Variants in PCNX2 observed in about 807,000 individuals in gnomAD.
PCNX2 encodes pecanex-like protein 2.
In PCNX2, 168 loss-of-function variants were observed where a neutral mutation model predicts 223.8. The observed-to-expected ratio is 0.75, with a 90% CI of 0.66 to 0.85. PCNX2 has a LOEUF of 0.85. Among genes scored for constraint, PCNX2 ranks in the 40% least tolerant of loss-of-function variants. The pLI, the probability that PCNX2 is intolerant of heterozygous loss-of-function variation, is 0.00. For missense variants in PCNX2, 2,507 were observed against 2,675.5 expected, an observed-to-expected ratio of 0.94 and a Z score of 1.39; for synonymous variants, 1,006 against 1,052.6, an observed-to-expected ratio of 0.96 and a Z score of 0.86.
chr1:233,012,120 G>GATGACTGTT (rs1222588992), intron 28 of PCNX2, among the ~76,000 whole-genome samples: 9 of 152,152 alleles, frequency 5.9e-5, no homozygotes, highest in African/African-American at 2.2e-4. Context: ...CTTCTGTGTT[G>GATGACTGTT]ATGACTGTTG....
At chr1:233,177,712 T>C (rs1003275233) in intron 17 of PCNX2, 90 bp downstream of exon 17, 31 of 1,126,686 alleles carry the variant, frequency 2.8e-5, no homozygotes, top group Non-Finnish European at 3.8e-5. Flanking sequence ...GTCCTTCTCA[T>C]GTCCACCTGC....
chr1:233,245,690 G>A (rs1158663956), intron 8 of PCNX2, among the ~76,000 whole-genome samples: 1 of 152,136 alleles, frequency 6.6e-6, no homozygotes, highest in Non-Finnish European at 1.5e-5. Context: ...CAAGGCAGGC[G>A]GATCACGAGG....
In PCNX2 at chr1:232,984,091, T is replaced by TTTG. The variant is rs1193984028; in HGVS notation, c.*210_*212dup. 2.1e-5 allele frequency: 9 copies of TTTG among 433,698 alleles called. No individual in the cohort carries two copies. In the South Asian group the frequency reaches 4.0e-4, roughly 19 times the overall value. 26.9% of individuals were successfully genotyped at this position (433,698 alleles called of 1,614,324 possible). On this transcript the variant is annotated 3_prime_UTR_variant, in exon 34 of 34. Transcript: ENST00000258229. ...TTGTTTCCCCATCATGTGAGGTTTTTTTGTTGTTGTTGTTTGATTTTTTTT... is the reference window on the plus strand; with the variant it reads ...TTGTTTCCCCATCATGTGAGGTTTTTTTGTTGTTGTTGTTGTTTGATTTTTTTT...
At chr1:232,996,391 G>T (rs1031810493) in intron 32 of PCNX2, among the ~76,000 whole-genome samples, 1 of 152,156 alleles carries the variant, frequency 6.6e-6, no homozygotes, top group African/African-American at 2.4e-5. Context: ...TCACTCCCAT[G>T]ATCCTGAAAC....
rs368209250 is a variant in PCNX2 at position 233,120,446 on chromosome 1, G to C, written c.3837+14567C>G. ...TTAAAATAAAACAATAGTGGGAATA[G>C]AAAATGCTGACAAGGATGCAGAGAA... On this transcript the variant is annotated intron_variant, in intron 21 of 33. Coordinates refer to ENST00000258229, the MANE Select transcript of PCNX2 (RefSeq NM_014801.4). Among the ~76,000 whole-genome samples the C allele has an allele frequency of 6.6e-5, 10 of 152,228 alleles. No individual in the cohort carries two copies. The South Asian group carries it at 2.1e-3, about 32-fold the overall frequency.
intron 21 of PCNX2, among the ~76,000 whole-genome samples, chr1:233,113,975 G>A (rs1675265718): frequency 1.3e-5 from 2 of 152,196 alleles, no homozygotes; most frequent in South Asian, 2.1e-4. Flanking sequence ...CTCTGTGCCT[G>A]ACTGTGTTCT....
chr1:233,020,798 G>A (rs538721115), intron 26 of PCNX2, among the ~76,000 whole-genome samples: 5 of 152,138 alleles, frequency 3.3e-5, no homozygotes, highest in Admixed American at 6.5e-5. Flanking sequence ...ACCTCAAGTC[G>A]CCAGGAAGGA....
chr1:232,983,567 G>A lies in PCNX2; in HGVS notation c.*737C>T, dbSNP rs1669339986. The A allele has an allele frequency of 6.6e-6, 1 of 152,224 alleles. No homozygotes were observed. The highest frequency in any genetic ancestry group is 1.5e-5 in the Non-Finnish European group (1 of 68,050). 9.4% of individuals were successfully genotyped at this position (152,224 alleles called of 1,614,324 possible). A position where few individuals can be genotyped will look rare whatever the true frequency, so the allele number is the denominator to read the frequency against. On this transcript the variant is annotated 3_prime_UTR_variant, in exon 34 of 34. Transcript: ENST00000258229. ...GGTGCTGGCGGCCCACCAATCGCCTGGACTACAGTGAGGAGCATTGTGTGA... is the reference window on the plus strand; with the variant it reads ...GGTGCTGGCGGCCCACCAATCGCCTAGACTACAGTGAGGAGCATTGTGTGA...
chr1:233,016,812 C>G, intron 27 of PCNX2, 109 bp downstream of exon 27: 2 of 1,465,282 alleles, frequency 1.4e-6, no homozygotes, highest in Non-Finnish European at 1.8e-6. Context: ...TTTTTTCTAT[C>G]CTCTATGTTA....
rs138872980 is a variant in PCNX2, at chr1:233,004,210, T to A, written c.4953-2529A>T. The stretch of plus-strand genomic sequence containing the variant: ...ACACTCGATTATATAAAAATTATAG[T>A]TCCACACACTTATGTATTTTTTTAA... On this transcript the variant is annotated intron_variant, in intron 28 of 33. Transcript: ENST00000258229. Among the ~76,000 whole-genome samples the A allele has an allele frequency of 3.2e-4, 49 of 152,262 alleles. 1 individual carries two copies. The highest frequency in any genetic ancestry group is 1.1e-3 in the African/African-American group (47 of 41,556).
chr1:233,120,435 T>C (rs1675715225), intron 21 of PCNX2, among the ~76,000 whole-genome samples: 1 of 151,936 alleles, frequency 6.6e-6, no homozygotes, highest in Non-Finnish European at 1.5e-5. Context: ...AATAAAACAA[T>C]AGTGGGAATA....
chr1:233,225,600 A>C (rs1350386371), intron 10 of PCNX2, among the ~76,000 whole-genome samples: 2 of 152,226 alleles, frequency 1.3e-5, no homozygotes, highest in African/African-American at 4.8e-5. Context: ...TGAAAACATA[A>C]GCTTTTAAAA....
intron 21 of PCNX2, among the ~76,000 whole-genome samples, chr1:233,123,140 C>T (rs538423993): frequency 5.3e-5 from 8 of 152,262 alleles, no homozygotes; most frequent in African/African-American, 1.7e-4. Flanking sequence ...AATAGTAACA[C>T]ACTATTTGGG....
In PCNX2 at chr1:233,031,522, G is replaced by T. The variant is rs541187358; in HGVS notation, c.4352-6123C>A. On this transcript the variant is annotated intron_variant, in intron 25 of 33. Coordinates refer to ENST00000258229, the MANE Select transcript of PCNX2 (RefSeq NM_014801.4). The stretch of plus-strand genomic sequence containing the variant: ...ATGGTGGCAGATAAAGAAAGGCTAT[G>T]TTTAGACCAAGCCTCTATATAGAAC... Among the ~76,000 whole-genome samples, 19 of 152,348 alleles carry T rather than the reference G, an allele frequency of 1.2e-4. 1 individual carries two copies. The highest frequency in any genetic ancestry group is 1.2e-3 in the Admixed American group (19 of 15,308).
intron 23 of PCNX2, among the ~76,000 whole-genome samples, chr1:233,080,247 A>G (rs1162573632): frequency 2.6e-5 from 4 of 151,870 alleles, no homozygotes; most frequent in East Asian, 1.9e-4. Flanking sequence ...CCTTATTTCT[A>G]TTTCTTTTGG....
intron 9 of PCNX2, among the ~76,000 whole-genome samples, chr1:233,228,066 G>A (rs1051468482): frequency 1.3e-5 from 2 of 152,166 alleles, no homozygotes; most frequent in Admixed American, 6.5e-5. Context: ...TTGGGAACAC[G>A]CAGTTTTCCA....
At chr1:233,030,101 G>A (rs892621864) in intron 25 of PCNX2, among the ~76,000 whole-genome samples, 3 of 152,134 alleles carry the variant, frequency 2.0e-5, no homozygotes, top group African/African-American at 7.2e-5. Flanking sequence ...TGTTTCACAA[G>A]ACATTGGGTC....
At position 233,234,484 on chromosome 1, in the gene PCNX2, ATGAGT is replaced by A. The variant is rs1203874294; in HGVS notation, c.2358+2356_2358+2360del. On this transcript the variant is annotated intron_variant, in intron 9 of 33. Transcript: ENST00000258229. ...AGTGTCTAACAATAAAACGCTACAG[ATGAGT>A]TGAGTTTTTATGCATCATCGTGACA... Among the ~76,000 whole-genome samples the A allele has an allele frequency of 6.6e-5, 10 of 152,310 alleles. No individual in the cohort carries two copies. The East Asian group carries it at 1.7e-3, about 26-fold the overall frequency.
At chr1:232,988,481 T>A (rs544485898) in intron 32 of PCNX2, among the ~76,000 whole-genome samples, 72 of 152,262 alleles carry the variant, frequency 4.7e-4, no homozygotes, top group African/African-American at 1.7e-3. Flanking sequence ...CCATGCTAAA[T>A]GCATTTGTGC....
Sources: allele counts gnomAD v4.1 joint callset (sites outside exome capture counted in the v4.1 genomes callset), GRCh38; gene constraint gnomAD v4.1.1; transcripts MANE v1.5; gene names NCBI Gene and HGNC (gene_info 2026-07-23, HGNC 2026-07-21).